The following LMO7 variants were observed in gnomAD, a reference collection of about 807,000 sequenced individuals.
The protein encoded by LMO7 is LIM domain only protein 7.
In LMO7, 120 loss-of-function variants were observed where a neutral mutation model predicts 206.5. The ratio of observed to expected loss-of-function variants is 0.58; its 90% confidence interval spans 0.50 to 0.68. LMO7 has a LOEUF of 0.68. Ranked by LOEUF, LMO7 falls within the 30% of genes least tolerant of loss-of-function variation. The pLI, the probability that LMO7 is intolerant of heterozygous loss-of-function variation, is 0.00. For synonymous variants in LMO7, 706 were observed against 681.5 expected, an observed-to-expected ratio of 1.04 and a Z score of -0.56; for missense variants, 1,959 against 1,957.9, an observed-to-expected ratio of 1.00 and a Z score of -0.01.
intron 15 of LMO7, 125 bp downstream of exon 15, chr13:75,823,998 C>A: frequency 1.3e-6 from 1 of 749,544 alleles, no homozygotes; most frequent in Non-Finnish European, 2.2e-6. Flanking sequence ...AAATGATATT[C>A]TGGTTTACTT....
intron 3 of LMO7, among the ~76,000 whole-genome samples, chr13:75,728,653 G>T (rs9544038): frequency 0.24 from 32,074 of 135,926 alleles, 4,345 homozygotes; most frequent in Non-Finnish European, 0.3. Flanking sequence ...GTCAATTTTG[G>T]CTTTTGTTGC....
chr13:75,726,052 T>G (rs1272048151), intron 2 of LMO7, among the ~76,000 whole-genome samples: 1 of 151,892 alleles, frequency 6.6e-6, no homozygotes, highest in Non-Finnish European at 1.5e-5. Context: ...GTTTAATGAT[T>G]TCTCCTTTAT....
chr13:75,853,128 C>A lies in LMO7; in HGVS notation c.4401C>A (p.Ser1467=). The A allele has an allele frequency of 6.2e-7, 1 of 1,612,698 alleles. No homozygotes were observed. Among genetic ancestry groups the A allele is most frequent in the African/African-American group, 1.3e-5 (1 of 74,986 alleles). ...ESLDNLDSPR[S]NSWRQPPWLN... ...TAGATAACCTGGACTCCCCCCGATC[C>A]AATTCTTGGAGACAGCCTCCTTGGC... The change falls in exon 28 of 31, where the codon TCC becomes TCA. Residue 1467 remains serine, a synonymous_variant. Coordinates refer to ENST00000377534, the MANE Select transcript of LMO7 (RefSeq NM_001306080.2).
intron 3 of LMO7, among the ~76,000 whole-genome samples, chr13:75,743,323 T>G (rs2328953): frequency 0.44 from 66,574 of 151,982 alleles, 14,929 homozygotes; most frequent in East Asian, 0.61. Context: ...GAGCTAAAAA[T>G]AGATCTACCA....
intron 3 of LMO7, among the ~76,000 whole-genome samples, chr13:75,751,925 A>G (rs1168961001): frequency 6.6e-6 from 1 of 152,046 alleles, no homozygotes; most frequent in Non-Finnish European, 1.5e-5. Flanking sequence ...TATCAAATAT[A>G]TATTTTTTGA....
intron 1 of LMO7, among the ~76,000 whole-genome samples, chr13:75,699,835 G>C (rs540890812): frequency 6.6e-6 from 1 of 152,138 alleles, no homozygotes; most frequent in African/African-American, 2.4e-5. Flanking sequence ...ACTAGAATTC[G>C]CCAGGCTGGA....
intron 4 of LMO7, among the ~76,000 whole-genome samples, chr13:75,778,607 A>G (rs2050853415): frequency 1.3e-5 from 2 of 152,218 alleles, no homozygotes; most frequent in Non-Finnish European, 2.9e-5. Flanking sequence ...TTTGAAGTCA[A>G]CACTTGAAAA....
chr13:75,856,357 T>C, intron 29 of LMO7, 149 bp from the exon 30 acceptor site: 1 of 583,470 alleles, frequency 1.7e-6, no homozygotes, highest in Non-Finnish European at 3.0e-6. Context: ...TTGAATCTAC[T>C]AATCATCTTT....
At position 75,636,649 on chromosome 13, in the gene LMO7, G is replaced by T; in HGVS notation, c.-9G>T. On this transcript the variant is annotated 5_prime_UTR_variant, in exon 1 of 31. Transcript: ENST00000377534. ...TCCCGAGTCTCTCTCTCCCTCCCTT[G>T]TCCTAGCCATGGAAGGGCTGGAGGA... 5 of 1,594,716 alleles carry T rather than the reference G, an allele frequency of 3.1e-6. No individual in the cohort carries two copies. The highest frequency in any genetic ancestry group is 4.3e-6 in the Non-Finnish European group (5 of 1,171,254).
chr13:75,629,025 C>T (rs181393296), intron 2 of LMO7, among the ~76,000 whole-genome samples: 133 of 152,310 alleles, frequency 8.7e-4, no homozygotes, highest in African/African-American at 2.8e-3. Flanking sequence ...TGTCTGGAAA[C>T]GTTTTTGGTT....
intron 1 of LMO7, among the ~76,000 whole-genome samples, chr13:75,696,029 G>T (rs942838395): frequency 3.3e-5 from 5 of 152,154 alleles, no homozygotes; most frequent in Non-Finnish European, 7.3e-5. Context: ...AACAGAAACT[G>T]ATTTCATGCC....
intron 4 of LMO7, among the ~76,000 whole-genome samples, chr13:75,784,822 A>T (rs1261481911): frequency 6.6e-6 from 1 of 152,208 alleles, no homozygotes; most frequent in Non-Finnish European, 1.5e-5. Flanking sequence ...TTAATCTTGT[A>T]CATGCTTGCT....
intron 4 of LMO7, among the ~76,000 whole-genome samples, chr13:75,781,462 AT>A (rs943931002): frequency 6.6e-6 from 1 of 151,308 alleles, no homozygotes; most frequent in Non-Finnish European, 1.5e-5. Context: ...TGAACTCATC[AT>A]TTTTTATGGC....
chr13:75,839,831 T>C (rs571415810), intron 20 of LMO7: 123 of 379,892 alleles, frequency 3.2e-4, no homozygotes, highest in Middle Eastern at 1.5e-3. Context: ...GATCCTACTC[T>C]AATACCTAGA....
intron 1 of LMO7, among the ~76,000 whole-genome samples, chr13:75,711,570 C>T (rs1207717603): frequency 1.3e-5 from 2 of 152,322 alleles, no homozygotes; most frequent in Non-Finnish European, 2.9e-5. Flanking sequence ...GCTTCCTGGG[C>T]GAGACGATGC....
chr13:75,791,907 T>C (rs1253349468), intron 4 of LMO7, among the ~76,000 whole-genome samples: 1 of 152,134 alleles, frequency 6.6e-6, no homozygotes, highest in Non-Finnish European at 1.5e-5. Context: ...CCATTTTTAT[T>C]GCAGACTTGG....
At chr13:75,639,462 G>A (rs527302211) in intron 1 of LMO7, among the ~76,000 whole-genome samples, 1 of 152,286 alleles carries the variant, frequency 6.6e-6, no homozygotes, top group East Asian at 1.9e-4. Flanking sequence ...AATGTAGCAG[G>A]GCTGGTTTAT....
At position 75,804,304 on chromosome 13, in the gene LMO7, CAG is replaced by C. The variant is rs750256589; in HGVS notation, c.679_680del (p.Asp227PhefsTer6). The C allele has an allele frequency of 1.9e-5, 30 of 1,612,636 alleles. No homozygotes were observed. The highest frequency in any genetic ancestry group is 2.4e-5 in the Non-Finnish European group (28 of 1,178,818). On this transcript the variant is annotated frameshift_variant, in exon 8 of 31. Transcript: ENST00000377534. LOFTEE classifies it high-confidence loss of function. Reference sequence around the variant, plus strand: ...TTCTTTATAGGTTTTGAAAGTGACACAGATTCGGAATTTACATTTAAGATGCA... The same window carrying C: ...TTCTTTATAGGTTTTGAAAGTGACACATTCGGAATTTACATTTAAGATGCA...
rs898788064 is a variant in LMO7, at chr13:75,702,973, A to G, written c.70-10209A>G. Among the ~76,000 whole-genome samples the G allele has an allele frequency of 4.6e-5, 7 of 152,228 alleles. No individual in the cohort carries two copies. The South Asian group carries it at 1.0e-3, about 23-fold the overall frequency. On this transcript the variant is annotated intron_variant, in intron 1 of 30. Transcript: ENST00000377534. ...AACTTTGAAGGTTTCATCCAACCAT[A>G]TAGTCTTTCAAAAAGTATCACTAGA...
Sources: gnomAD v4.1 joint callset for allele counts (sites outside exome capture counted in the v4.1 genomes callset) on GRCh38, gnomAD v4.1.1 for gene constraint, MANE v1.5 for transcripts, NCBI Gene and HGNC (gene_info 2026-07-23, HGNC 2026-07-21) for gene names.